Variants in FBXL7 observed in about 807,000 individuals in gnomAD.
FBXL7 encodes the protein F-box/LRR-repeat protein 7.
Under a neutral mutation model 38.3 loss-of-function variants are expected in FBXL7, and 12 were observed. The observed-to-expected ratio is 0.31, with a 90% confidence interval of 0.20 to 0.51. The LOEUF is 0.51. Ranked by LOEUF, FBXL7 falls within the 20% of genes least tolerant of loss-of-function variation. FBXL7 has a pLI of 0.98. For synonymous variants in FBXL7, 297 were observed against 300.9 expected (o/e 0.99, Z 0.13); for missense variants, 567 against 676.4 (o/e 0.84, Z 1.79).
At chr5:15,927,798 G>GAC (rs998138271) in intron 2 of FBXL7, 92 bp from the exon 3 acceptor site, 1 of 650,922 alleles carries the variant, frequency 1.5e-6, no homozygotes, top group African/African-American at 2.3e-5. Context: ...GAAGAAGAAA[G>GAC]AAAAGAAAAG....
At chr5:15,627,657 G>A (rs1740863667) in intron 2 of FBXL7, among the ~76,000 whole-genome samples, 1 of 152,174 alleles carries the variant, frequency 6.6e-6, no homozygotes, top group Admixed American at 6.5e-5. Flanking sequence ...TTTCTTTAGT[G>A]TACTGGGGAG....
intron 2 of FBXL7, among the ~76,000 whole-genome samples, chr5:15,865,594 C>T (rs1429966119): frequency 6.6e-6 from 1 of 152,088 alleles, no homozygotes; most frequent in Non-Finnish European, 1.5e-5. Context: ...CTCTCCTAAT[C>T]CCTTTACATC....
intron 2 of FBXL7, among the ~76,000 whole-genome samples, chr5:15,888,196 CTTTA>C (rs3034529): frequency 0.081 from 11,778 of 145,244 alleles, 520 homozygotes; most frequent in African/African-American, 0.096. Flanking sequence ...GTAAACACCA[CTTTA>C]TTTATTTATT....
At chr5:15,914,838 T>C (rs147127116) in intron 2 of FBXL7, among the ~76,000 whole-genome samples, 1 of 152,322 alleles carries the variant, frequency 6.6e-6, no homozygotes, top group Non-Finnish European at 1.5e-5. Context: ...CTGGACTGAC[T>C]CAGAGATGAA....
intron 2 of FBXL7, among the ~76,000 whole-genome samples, chr5:15,656,013 G>A (rs561155777): frequency 5.3e-5 from 8 of 152,268 alleles, no homozygotes; most frequent in South Asian, 4.1e-4. Context: ...GTGTGCTGCC[G>A]TGTGTGTAAT....
chr5:15,714,735 G>C (rs1213569341), intron 2 of FBXL7, among the ~76,000 whole-genome samples: 2 of 151,630 alleles, frequency 1.3e-5, no homozygotes, highest in Non-Finnish European at 2.9e-5. Context: ...TGTAGTCCCA[G>C]CTACTCGGGA....
At chr5:15,581,679 G>C (rs375834884) in intron 1 of FBXL7, among the ~76,000 whole-genome samples, 1 of 152,122 alleles carries the variant, frequency 6.6e-6, no homozygotes, top group Non-Finnish European at 1.5e-5. Flanking sequence ...CTCAGACTTT[G>C]GTCTTATAAG....
rs544733038 is a variant in FBXL7 at position 15,548,019 on chromosome 5, T to C, written c.37+47306T>C. 3.3e-5 allele frequency among the ~76,000 whole-genome samples: 5 copies of C among 152,242 alleles called. No homozygotes were observed. In the South Asian group the frequency reaches 1.0e-3, roughly 32 times the overall value. ...AGGATGTAGGTGGCAGATCCTGAAATTGGGAAACATCCTCCACTGGCATTC... is the reference window on the plus strand; with the variant it reads ...AGGATGTAGGTGGCAGATCCTGAAACTGGGAAACATCCTCCACTGGCATTC... On this transcript the variant is annotated intron_variant, in intron 1 of 3. Coordinates refer to ENST00000504595, the MANE Select transcript of FBXL7 (RefSeq NM_012304.5).
At chr5:15,597,910 T>G (rs1178729343) in intron 1 of FBXL7, among the ~76,000 whole-genome samples, 2 of 152,224 alleles carry the variant, frequency 1.3e-5, no homozygotes, top group African/African-American at 4.8e-5. Flanking sequence ...AGAGATTAGC[T>G]CCTAAGTTGT....
intron 2 of FBXL7, among the ~76,000 whole-genome samples, chr5:15,627,557 G>A (rs937343888): frequency 6.6e-6 from 1 of 152,130 alleles, no homozygotes; most frequent in East Asian, 1.9e-4. Flanking sequence ...TACAGATTGC[G>A]TGGCCACAGT....
chr5:15,876,163 A>G (rs1028187196), intron 2 of FBXL7, among the ~76,000 whole-genome samples: 2 of 151,328 alleles, frequency 1.3e-5, no homozygotes, highest in African/African-American at 4.9e-5. Context: ...AAAACCCAAT[A>G]CCGCATGTTC....
intron 1 of FBXL7, chr5:15,501,494 A>G (rs1736484515): frequency 1.0e-6 from 1 of 985,534 alleles, no homozygotes; most frequent in Non-Finnish European, 1.2e-6. Flanking sequence ...GCATAAGGCA[A>G]AGGCATTTTT....
At chr5:15,726,194 A>G (rs1441285819) in intron 2 of FBXL7, among the ~76,000 whole-genome samples, 1 of 152,034 alleles carries the variant, frequency 6.6e-6, no homozygotes, top group Non-Finnish European at 1.5e-5. Context: ...TTTTTTGGTT[A>G]CTATTTGCAT....
chr5:15,708,259 TGCAGTG>T (rs1212817539), intron 2 of FBXL7, among the ~76,000 whole-genome samples: 2 of 152,202 alleles, frequency 1.3e-5, no homozygotes, highest in Non-Finnish European at 2.9e-5. Context: ...GTCTGCTCAC[TGCAGTG>T]GCAACTCAAG....
At chr5:15,840,582 C>T (rs1738718408) in intron 2 of FBXL7, among the ~76,000 whole-genome samples, 1 of 152,092 alleles carries the variant, frequency 6.6e-6, no homozygotes, top group Admixed American at 6.6e-5. Context: ...TGACCGGGCA[C>T]AGTGGCCTGT....
At chr5:15,599,086 A>T (rs911387999) in intron 1 of FBXL7, among the ~76,000 whole-genome samples, 2 of 152,236 alleles carry the variant, frequency 1.3e-5, no homozygotes, top group African/African-American at 2.4e-5. Flanking sequence ...GGACGTGATC[A>T]CTTTTACTCC....
intron 2 of FBXL7, among the ~76,000 whole-genome samples, chr5:15,769,166 C>A (rs1736667243): frequency 1.3e-5 from 2 of 152,220 alleles, no homozygotes; most frequent in South Asian, 4.1e-4. Context: ...CACCAGCTGC[C>A]TCCTTCTGGG....
intron 2 of FBXL7, among the ~76,000 whole-genome samples, chr5:15,672,436 G>T (rs575877220): frequency 6.6e-6 from 1 of 152,110 alleles, no homozygotes; most frequent in South Asian, 2.1e-4. Context: ...TATATTAACA[G>T]TGTTTTCATT....
At chr5:15,853,685 G>A (rs540931821) in intron 2 of FBXL7, among the ~76,000 whole-genome samples, 103 of 152,238 alleles carry the variant, frequency 6.8e-4, no homozygotes, top group Non-Finnish European at 1.1e-3. Flanking sequence ...GAGAAGAAAC[G>A]CCATTCACAG....
Sources: allele counts gnomAD v4.1 joint callset (sites outside exome capture counted in the v4.1 genomes callset), GRCh38; gene constraint gnomAD v4.1.1; transcripts MANE v1.5; gene names NCBI Gene and HGNC (gene_info 2026-07-23, HGNC 2026-07-21).